The following PIK3CD variants were observed in gnomAD, a reference collection of about 807,000 sequenced individuals.
The protein encoded by PIK3CD is phosphatidylinositol-4,5-bisphosphate 3-kinase catalytic subunit delta, also known as phosphatidylinositol 4,5-bisphosphate 3-kinase catalytic subunit delta isoform.
A neutral mutation model predicts 122.9 loss-of-function variants in PIK3CD; 20 were observed. The observed-to-expected ratio is 0.16, with a 90% confidence interval of 0.11 to 0.24. PIK3CD has a LOEUF of 0.24. Ranked by LOEUF, PIK3CD falls within the 10% of genes least tolerant of loss-of-function variation. PIK3CD has a pLI of 1.00. For missense variants in PIK3CD, 787 were observed against 1,406.3 expected (o/e 0.56, Z 7.04); for synonymous variants, 596 against 593.4 (o/e 1.00, Z -0.06).
chr1:9,687,978 G>A (rs1353401681), intron 1 of PIK3CD, among the ~76,000 whole-genome samples: 1 of 152,164 alleles, frequency 6.6e-6, no homozygotes, highest in Non-Finnish European at 1.5e-5. Context: ...AGGACGCAGA[G>A]GCCGCCGAGG....
chr1:9,654,240 C>T (rs756384490), intron 1 of PIK3CD: 2 of 1,367,702 alleles, frequency 1.5e-6, no homozygotes, highest in Admixed American at 3.8e-5. Flanking sequence ...AGAGGTACTC[C>T]CGACCACGCA....
At chr1:9,701,797 G>A (rs1371663953) in intron 2 of PIK3CD, among the ~76,000 whole-genome samples, 1 of 151,998 alleles carries the variant, frequency 6.6e-6, no homozygotes, top group Non-Finnish European at 1.5e-5. Context: ...CAGGCAGGGA[G>A]AACCTGGCTT....
At chr1:9,705,612 A>G (rs1646802423) in intron 2 of PIK3CD, among the ~76,000 whole-genome samples, 1 of 152,252 alleles carries the variant, frequency 6.6e-6, no homozygotes, top group African/African-American at 2.4e-5. Flanking sequence ...TTCAACCAAC[A>G]AAGGAATGGA....
chr1:9,711,030 C>T (rs887131741), intron 3 of PIK3CD, among the ~76,000 whole-genome samples: 2 of 152,162 alleles, frequency 1.3e-5, no homozygotes, highest in African/African-American at 4.8e-5. Flanking sequence ...GGTGATCCAC[C>T]TGCCTCGGCC....
At chr1:9,663,351 A>G (rs1306973649) in intron 1 of PIK3CD, among the ~76,000 whole-genome samples, 2 of 152,070 alleles carry the variant, frequency 1.3e-5, no homozygotes, top group African/African-American at 4.8e-5. Context: ...TCCTGGCATT[A>G]TGTGCCCGAG....
intron 2 of PIK3CD, among the ~76,000 whole-genome samples, chr1:9,694,986 G>C (rs201682376): frequency 2.1e-5 from 3 of 145,388 alleles, no homozygotes; most frequent in Admixed American, 2.1e-4. Context: ...GAGAGAGAGA[G>C]AGAGACAGAG....
intron 1 of PIK3CD, among the ~76,000 whole-genome samples, chr1:9,666,743 C>T (rs28787281): frequency 0.021 from 3,188 of 152,104 alleles, 111 homozygotes; most frequent in African/African-American, 0.072. Flanking sequence ...CTCGCTCTGT[C>T]GCCCAAGCTG....
the PIK3CD span, among the ~76,000 whole-genome samples, chr1:9,635,275 G>GAAAA: frequency 3.1e-5 from 4 of 128,576 alleles, no homozygotes; most frequent in Admixed American, 2.4e-4. Context: ...ACTCCATCCT[G>GAAAA]AAAAAAAAAA....
chr1:9,702,736 GTT>G lies in PIK3CD; in HGVS notation c.-32-7686_-32-7685del, dbSNP rs1170612766. Among the ~76,000 whole-genome samples the G allele has an allele frequency of 2.0e-5, 3 of 151,518 alleles. No homozygotes were observed. In the East Asian group the frequency reaches 5.8e-4, roughly 29 times the overall value. ...GGGTTTCACCATGTTGGTCAGGCTG[GTT>G]TCGAACTCCTGACTTCAAGTGATCC... On this transcript the variant is annotated intron_variant, in intron 2 of 23. Transcript: ENST00000377346.
chr1:9,693,326 G>A (rs1570261054), intron 2 of PIK3CD, among the ~76,000 whole-genome samples: 3 of 152,256 alleles, frequency 2.0e-5, no homozygotes, highest in South Asian at 4.1e-4. Context: ...CCGGGTTCAA[G>A]CGATTCTTCT....
chr1:9,656,148 AG>A (rs1644850099), intron 1 of PIK3CD, among the ~76,000 whole-genome samples: 1 of 152,054 alleles, frequency 6.6e-6, no homozygotes, highest in Non-Finnish European at 1.5e-5. Context: ...TGCCAGGAGT[AG>A]GGTGGGGGAG....
At chr1:9,693,392 T>C (rs1646281319) in intron 2 of PIK3CD, among the ~76,000 whole-genome samples, 1 of 143,886 alleles carries the variant, frequency 6.9e-6, no homozygotes, top group South Asian at 2.2e-4. Flanking sequence ...GCCCAGCTAA[T>C]TTTTGTGGTT....
At position 9,710,699 on chromosome 1, in the gene PIK3CD, AGACG is replaced by A; in HGVS notation, c.141+107_141+110del. On this transcript the variant is annotated intron_variant, in intron 3 of 23. Transcript: ENST00000377346. The surrounding 1 kb of genome is among the most constrained non-coding windows in gnomAD (Gnocchi z 4.7). ...CAGACAGACAGATGGACAGGTGGAC[AGACG>A]GACAGACAGATGGACAGATGCACTG... 7.8e-7 allele frequency: 1 copy of A among 1,274,368 alleles called. No individual in the cohort carries two copies. Among genetic ancestry groups the A allele is most frequent in the South Asian group, 1.2e-5 (1 of 83,242 alleles). The allele number at this position is 1,274,368 out of a possible 1,614,324, so 78.9% of individuals were successfully genotyped here.
Position 9,710,386 on chromosome 1 carries a change from A to C in PIK3CD, c.-32-38A>C. ...CCCTTCCAAAGGTCTCACCCAGCTC[A>C]GCTGAGGTAACTCATTTTGCCATTT... On this transcript the variant is annotated intron_variant, in intron 2 of 23. Coordinates refer to ENST00000377346, the MANE Select transcript of PIK3CD (RefSeq NM_005026.5). The surrounding 1 kb of genome is among the most constrained non-coding windows in gnomAD (Gnocchi z 4.7). 3.3e-6 allele frequency: 5 copies of C among 1,526,848 alleles called. No homozygotes were observed. The South Asian group carries it at 3.4e-5, about 10-fold the overall frequency. 94.6% of individuals were successfully genotyped at this position (1,526,848 alleles called of 1,614,324 possible).
the PIK3CD span, among the ~76,000 whole-genome samples, chr1:9,638,330 C>T: frequency 4.6e-5 from 7 of 151,942 alleles, no homozygotes; most frequent in African/African-American, 1.5e-4. Flanking sequence ...ACCTGAGAGC[C>T]GTTATCTGCA....
At chr1:9,681,357 C>T (rs1011921080) in intron 1 of PIK3CD, among the ~76,000 whole-genome samples, 1 of 152,204 alleles carries the variant, frequency 6.6e-6, no homozygotes, top group Non-Finnish European at 1.5e-5. Flanking sequence ...CCAGCCTCAC[C>T]CTCTCAAGCA....
At chr1:9,649,124 A>AAAC (rs1342491468), upstream of PIK3CD, among the ~76,000 whole-genome samples, 1 of 97,606 alleles carries the variant, frequency 1.0e-5, no homozygotes, top group Non-Finnish European at 1.9e-5. Context: ...AACAAACAAA[A>AAAC]AAAGCAAAAA....
At chr1:9,683,002 T>C (rs1219129880) in intron 1 of PIK3CD, among the ~76,000 whole-genome samples, 1 of 150,316 alleles carries the variant, frequency 6.7e-6, no homozygotes, top group East Asian at 2.0e-4. Context: ...GTGGGACGTG[T>C]CAAACGCTTT....
intron 2 of PIK3CD, among the ~76,000 whole-genome samples, chr1:9,692,938 C>T (rs888994552): frequency 1.2e-4 from 18 of 152,088 alleles, no homozygotes; most frequent in Non-Finnish European, 1.9e-4. Context: ...ATCATGTAGA[C>T]CCCTGTTGGA....
Sources: allele counts gnomAD v4.1 joint callset (sites outside exome capture counted in the v4.1 genomes callset), GRCh38; gene constraint gnomAD v4.1.1; non-coding constraint Gnocchi (gnomAD v3.1); transcripts MANE v1.5; gene names NCBI Gene and HGNC (gene_info 2026-07-23, HGNC 2026-07-21).